NEDD4L: variants seen among roughly 807,000 people sequenced by gnomAD.
NEDD4L encodes E3 ubiquitin-protein ligase NEDD4-like.
Under a neutral mutation model 148.9 loss-of-function variants are expected in NEDD4L, and 54 were observed. That is an observed-to-expected ratio of 0.36 (90% CI 0.29 to 0.45). The LOEUF is 0.45. Ranked by LOEUF, NEDD4L falls within the 20% of genes least tolerant of loss-of-function variation. The pLI, the probability that NEDD4L is intolerant of heterozygous loss-of-function variation, is 1.00. For synonymous variants in NEDD4L, 433 were observed against 440.7 expected (o/e 0.98, Z 0.22); for missense variants, 856 against 1,233.8 (o/e 0.69, Z 4.59).
intron 2 of NEDD4L, among the ~76,000 whole-genome samples, chr18:58,188,024 T>A (rs2039663963): frequency 6.6e-6 from 1 of 152,156 alleles, no homozygotes; most frequent in Admixed American, 6.5e-5. Flanking sequence ...TGAGATGTAT[T>A]TTGAGGGCTA....
chr18:58,116,141 A>C (rs1231675874), intron 1 of NEDD4L, among the ~76,000 whole-genome samples: 1 of 152,218 alleles, frequency 6.6e-6, no homozygotes, highest in Non-Finnish European at 1.5e-5. Flanking sequence ...TGACATCCTG[A>C]TAGAACGCAG....
At chr18:58,376,412 C>G (rs1027858158) in intron 24 of NEDD4L, among the ~76,000 whole-genome samples, 1 of 152,182 alleles carries the variant, frequency 6.6e-6, no homozygotes, top group Non-Finnish European at 1.5e-5. Flanking sequence ...GAATTACTGC[C>G]TTGCCTTTTT....
intron 19 of NEDD4L, among the ~76,000 whole-genome samples, chr18:58,363,020 G>C (rs2045673313): frequency 6.6e-6 from 1 of 152,160 alleles, no homozygotes; most frequent in South Asian, 2.1e-4. Context: ...AATCAAAGAA[G>C]ACTGGCTTAA....
At chr18:58,387,665 T>G (rs1396888700) in intron 27 of NEDD4L, 167 bp downstream of exon 27, 1 of 778,326 alleles carries the variant, frequency 1.3e-6, no homozygotes, top group South Asian at 2.3e-5. Context: ...TGTGGTTCTA[T>G]TACATGTCTC....
intron 19 of NEDD4L, among the ~76,000 whole-genome samples, chr18:58,363,252 G>A (rs2045713498): frequency 6.6e-6 from 1 of 152,170 alleles, no homozygotes; most frequent in African/African-American, 2.4e-5. Context: ...TTCTGGTCAA[G>A]ATAAGTATGG....
At position 58,045,154 on chromosome 18, in the gene NEDD4L, G is replaced by T. The variant is rs910806676; in HGVS notation, c.48+446G>T. The T allele has an allele frequency of 2.0e-5, 8 of 398,948 alleles. No homozygotes were observed. In the Middle Eastern group the frequency reaches 1.9e-3, roughly 93 times the overall value. The allele number at this position is 398,948 out of a possible 1,614,324, so 24.7% of individuals were successfully genotyped here. ...CGGAGAAGCCGGATCGTTTCCCCCT[G>T]GAACTTTCTCTCTCATGATTGTGTG... On this transcript the variant is annotated intron_variant, in intron 1 of 30. Transcript: ENST00000400345.
chr18:58,265,966 C>T (rs2050162628), intron 5 of NEDD4L, among the ~76,000 whole-genome samples: 1 of 152,018 alleles, frequency 6.6e-6, no homozygotes, highest in African/African-American at 2.4e-5. Context: ...AAATACGTCT[C>T]TGCATTTCTT....
intron 1 of NEDD4L, among the ~76,000 whole-genome samples, chr18:58,076,790 T>C (rs1242900836): frequency 6.6e-6 from 1 of 151,884 alleles, no homozygotes; most frequent in Non-Finnish European, 1.5e-5. Context: ...GTAAAGAATG[T>C]ACAGTGAGCA....
At chr18:58,228,635 A>G (rs1335462080) in intron 2 of NEDD4L, among the ~76,000 whole-genome samples, 1 of 152,180 alleles carries the variant, frequency 6.6e-6, no homozygotes, top group African/African-American at 2.4e-5. Context: ...GTGCTTAATC[A>G]GTGAGGTTGG....
chr18:58,183,371 A>G (rs1247401123), intron 2 of NEDD4L, among the ~76,000 whole-genome samples: 1 of 152,220 alleles, frequency 6.6e-6, no homozygotes, highest in Non-Finnish European at 1.5e-5. Flanking sequence ...TTGGCACAAC[A>G]CAGGAGTAGA....
intron 18 of NEDD4L, among the ~76,000 whole-genome samples, chr18:58,352,429 A>AG (rs999186494): frequency 6.6e-6 from 1 of 152,038 alleles, no homozygotes; most frequent in African/African-American, 2.4e-5. Context: ...CCGAGGTGGG[A>AG]GGATCAGTTG....
At chr18:58,251,513 CTCTG>C (rs201716829) in intron 4 of NEDD4L, among the ~76,000 whole-genome samples, 21 of 151,962 alleles carry the variant, frequency 1.4e-4, no homozygotes, top group East Asian at 5.8e-4. Context: ...GACCGTCTGT[CTCTG>C]TCTGTCTGTC....
At chr18:58,239,074 C>T (rs2046342881) in intron 2 of NEDD4L, among the ~76,000 whole-genome samples, 1 of 152,168 alleles carries the variant, frequency 6.6e-6, no homozygotes, top group Non-Finnish European at 1.5e-5. Context: ...TTCAACAAAA[C>T]AAGTTGTCAT....
chr18:58,216,328 G>A (rs893880989), intron 2 of NEDD4L, among the ~76,000 whole-genome samples: 10 of 152,110 alleles, frequency 6.6e-5, no homozygotes, highest in African/African-American at 2.2e-4. Flanking sequence ...GGTTCTTTAG[G>A]GCTGTGTGGG....
intron 2 of NEDD4L, among the ~76,000 whole-genome samples, chr18:58,175,100 GC>G (rs2037970972): frequency 6.7e-6 from 1 of 149,570 alleles, no homozygotes; most frequent in Admixed American, 6.6e-5. Flanking sequence ...AGTTTATTTG[GC>G]CTGTGGAGCA....
At chr18:58,245,846 A>ATTTTTTTT (rs58940181) in intron 3 of NEDD4L, among the ~76,000 whole-genome samples, 502 of 91,500 alleles carry the variant, frequency 5.5e-3, no homozygotes, top group African/African-American at 0.012. Context: ...ATGCCTGGCT[A>ATTTTTTTT]TTTTTTTTTT....
At chr18:58,301,339 G>A (rs773928667) in intron 5 of NEDD4L, among the ~76,000 whole-genome samples, 3 of 152,066 alleles carry the variant, frequency 2.0e-5, no homozygotes, top group Non-Finnish European at 2.9e-5. Context: ...GAAATTGGGC[G>A]CTTTGATCAA....
intron 1 of NEDD4L, chr18:58,090,766 A>G (rs2145287372): frequency 1.3e-5 from 2 of 152,378 alleles, no homozygotes; most frequent in Middle Eastern, 6.8e-3. Flanking sequence ...GCACGAGCCA[A>G]TGCACCTGGC....
intron 13 of NEDD4L, 185 bp downstream of exon 13, chr18:58,335,722 A>T: frequency 1.9e-6 from 1 of 520,164 alleles, no homozygotes; most frequent in East Asian, 3.1e-5. Flanking sequence ...GTAAAATAGA[A>T]TGATTTTTTT....
Sources: gnomAD v4.1 joint callset for allele counts (sites outside exome capture counted in the v4.1 genomes callset) on GRCh38, gnomAD v4.1.1 for gene constraint, MANE v1.5 for transcripts, NCBI Gene and HGNC (gene_info 2026-07-23, HGNC 2026-07-21) for gene names.